The following NFATC2 variants were observed in gnomAD, a reference collection of about 807,000 sequenced individuals.
NFATC2 encodes the protein nuclear factor of activated T cells 2.
NFATC2 carries 22 observed loss-of-function variants against 87.3 expected under a neutral mutation model. That is an observed-to-expected ratio of 0.25 (90% CI 0.18 to 0.36). The LOEUF (loss-of-function observed/expected upper bound fraction) is 0.36. Ranked by LOEUF, NFATC2 falls within the 10% of genes least tolerant of loss-of-function variation. The probability of loss-of-function intolerance (pLI) is 1.00; values close to 1 mark genes in which losing one functional copy is unlikely to be tolerated. For missense variants in NFATC2, 1,149 were observed against 1,259.1 expected (o/e 0.91, Z 1.32); for synonymous variants, 565 against 542.2 (o/e 1.04, Z -0.58).
chr20:51,484,980 C>T (rs1415779576), intron 3 of NFATC2, among the ~76,000 whole-genome samples: 1 of 152,236 alleles, frequency 6.6e-6, no homozygotes, highest in Non-Finnish European at 1.5e-5. Flanking sequence ...GAAAACCAAA[C>T]AAGTCAGGCT....
intron 1 of NFATC2, among the ~76,000 whole-genome samples, chr20:51,548,945 T>C (rs1251285101): frequency 1.3e-5 from 2 of 152,172 alleles, no homozygotes; most frequent in East Asian, 3.9e-4. Flanking sequence ...TGTAGAGAAA[T>C]AACATGTCAT....
At chr20:51,539,510 G>A (rs867478960) in intron 1 of NFATC2, among the ~76,000 whole-genome samples, 1 of 152,112 alleles carries the variant, frequency 6.6e-6, no homozygotes, top group African/African-American at 2.4e-5. Context: ...TTGAGACAGG[G>A]TTTCGCACTG....
intron 9 of NFATC2, among the ~76,000 whole-genome samples, chr20:51,412,996 G>GGC (rs1188419646): frequency 9.3e-5 from 8 of 85,964 alleles, no homozygotes; most frequent in Non-Finnish European, 1.1e-4. Flanking sequence ...CGCTCCCGCC[G>GGC]CCCCCCCCCC....
At chr20:51,538,200 G>A (rs556261906) in intron 1 of NFATC2, among the ~76,000 whole-genome samples, 3 of 152,302 alleles carry the variant, frequency 2.0e-5, no homozygotes, top group African/African-American at 7.2e-5. Flanking sequence ...AATATTATCT[G>A]ATGCCACAAC....
chr20:51,501,770 C>T (rs147147827), intron 3 of NFATC2, among the ~76,000 whole-genome samples: 11 of 152,248 alleles, frequency 7.2e-5, no homozygotes, highest in Admixed American at 3.9e-4. Context: ...CACGAGAGCT[C>T]GGGATTTTAT....
chr20:51,485,213 C>T (rs1325525942), intron 3 of NFATC2, among the ~76,000 whole-genome samples: 1 of 152,224 alleles, frequency 6.6e-6, no homozygotes, highest in Non-Finnish European at 1.5e-5. Context: ...ATTAGCCTAA[C>T]AGGACTCAGG....
chr20:51,407,506 T>A (rs896518952), intron 9 of NFATC2, among the ~76,000 whole-genome samples: 1 of 152,186 alleles, frequency 6.6e-6, no homozygotes, highest in Non-Finnish European at 1.5e-5. Context: ...GCTGACTTCA[T>A]CTTGTGGACA....
At chr20:51,560,341 G>A (rs939361257) in intron 1 of NFATC2, among the ~76,000 whole-genome samples, 4 of 152,184 alleles carry the variant, frequency 2.6e-5, no homozygotes, top group African/African-American at 9.7e-5. Context: ...GCAGAAGGCA[G>A]GGAGTCTGGG....
At chr20:51,399,477 G>C (rs1987747619) in intron 9 of NFATC2, among the ~76,000 whole-genome samples, 1 of 151,364 alleles carries the variant, frequency 6.6e-6, no homozygotes, top group Admixed American at 6.6e-5. Flanking sequence ...AGCGTTATTA[G>C]AAATGTCAAG....
At chr20:51,443,698 A>G (rs1461709405) in intron 6 of NFATC2, among the ~76,000 whole-genome samples, 2 of 152,178 alleles carry the variant, frequency 1.3e-5, no homozygotes, top group Non-Finnish European at 2.9e-5. Flanking sequence ...AACAGGACTG[A>G]GAAGACCAAG....
intron 3 of NFATC2, among the ~76,000 whole-genome samples, chr20:51,496,728 A>G (rs2075994805): frequency 6.6e-6 from 1 of 152,204 alleles, no homozygotes; most frequent in Non-Finnish European, 1.5e-5. Flanking sequence ...TAAGTGGCAG[A>G]ACCAGGATTC....
At chr20:51,547,396 A>G (rs978067256), upstream of NFATC2, among the ~76,000 whole-genome samples, 3 of 152,292 alleles carry the variant, frequency 2.0e-5, no homozygotes, top group Middle Eastern at 3.4e-3. Context: ...GGATAGAAAC[A>G]GTCAAGAAGC....
At chr20:51,517,656 C>A (rs1320568727) in intron 2 of NFATC2, among the ~76,000 whole-genome samples, 2 of 151,766 alleles carry the variant, frequency 1.3e-5, no homozygotes, top group Non-Finnish European at 2.9e-5. Flanking sequence ...GTGGCTCATG[C>A]CTGTAATCCC....
chr20:51,514,244 C>T (rs1473493762), intron 3 of NFATC2, among the ~76,000 whole-genome samples: 2 of 152,154 alleles, frequency 1.3e-5, no homozygotes. Context: ...AGTAGGTGCT[C>T]AATAAACATC....
At chr20:51,533,817 T>C (rs559665833) in intron 1 of NFATC2, among the ~76,000 whole-genome samples, 47 of 152,294 alleles carry the variant, frequency 3.1e-4, no homozygotes, top group Admixed American at 2.8e-3. Context: ...CGCTGACACG[T>C]ATTGCTTTTG....
At chr20:51,444,321 C>T (rs1037315761) in intron 6 of NFATC2, among the ~76,000 whole-genome samples, 1 of 151,688 alleles carries the variant, frequency 6.6e-6, no homozygotes, top group Non-Finnish European at 1.5e-5. Context: ...GCAGAGTCAA[C>T]TCCAGAAGAA....
At chr20:51,448,804 G>C (rs911904674) in intron 6 of NFATC2, among the ~76,000 whole-genome samples, 2 of 152,198 alleles carry the variant, frequency 1.3e-5, no homozygotes, top group African/African-American at 4.8e-5. Context: ...AGTCAAAAAA[G>C]CTGAGGTCAG....
chr20:51,556,795 G>T (rs2076982219), intron 1 of NFATC2, among the ~76,000 whole-genome samples: 2 of 152,184 alleles, frequency 1.3e-5, no homozygotes, highest in African/African-American at 2.4e-5. Context: ...AGTGTCAGGG[G>T]AAAGAAACAC....
chr20:51,473,423 T>A, intron 5 of NFATC2, among the ~76,000 whole-genome samples: 1 of 152,076 alleles, frequency 6.6e-6, no homozygotes, highest in East Asian at 1.9e-4. Context: ...ACCCTGCCAC[T>A]CTTTGGTTGT....
Sources: allele counts gnomAD v4.1 joint callset (sites outside exome capture counted in the v4.1 genomes callset), GRCh38; gene constraint gnomAD v4.1.1; transcripts MANE v1.5; gene names NCBI Gene and HGNC (gene_info 2026-07-23, HGNC 2026-07-21).